Variants in KLHL1 observed in about 807,000 individuals in gnomAD.
KLHL1 encodes kelch-like protein 1.
A neutral mutation model predicts 77.7 loss-of-function variants in KLHL1; 47 were observed. The observed-to-expected ratio is 0.60, with a 90% confidence interval of 0.48 to 0.77. The LOEUF (loss-of-function observed/expected upper bound fraction) is 0.77. Ranked by LOEUF, KLHL1 falls within the 30% of genes least tolerant of loss-of-function variation. KLHL1 has a pLI of 0.00. For missense variants in KLHL1, 925 were observed against 910.8 expected, an observed-to-expected ratio of 1.02 and a Z score of -0.20; for synonymous variants, 360 against 325.2, an observed-to-expected ratio of 1.11 and a Z score of -1.15.
intron 1 of KLHL1, among the ~76,000 whole-genome samples, chr13:70,077,081 T>C (rs1887284349): frequency 6.6e-6 from 1 of 151,886 alleles, no homozygotes; most frequent in Non-Finnish European, 1.5e-5. Context: ...CTTAAAAAGC[T>C]TGACATAATT....
chr13:69,774,952 C>A (rs2137989819), intron 7 of KLHL1, among the ~76,000 whole-genome samples: 1 of 152,172 alleles, frequency 6.6e-6, no homozygotes. Context: ...TTTAATATTT[C>A]TTGAACAGAG....
chr13:69,755,574 A>T (rs530322268), intron 7 of KLHL1, among the ~76,000 whole-genome samples: 1 of 152,240 alleles, frequency 6.6e-6, no homozygotes, highest in African/African-American at 2.4e-5. Context: ...AATATGATAG[A>T]TCTGAATTAG....
At chr13:69,818,178 G>A (rs1309085528) in intron 6 of KLHL1, among the ~76,000 whole-genome samples, 2 of 151,008 alleles carry the variant, frequency 1.3e-5, no homozygotes, top group East Asian at 1.9e-4. Context: ...AACACTCACA[G>A]GGGATGACAT....
chr13:70,028,749 G>C (rs1198697237), intron 1 of KLHL1, among the ~76,000 whole-genome samples: 2 of 152,124 alleles, frequency 1.3e-5, no homozygotes, highest in East Asian at 3.9e-4. Context: ...GGCCGAAGCA[G>C]GTGAATTGCT....
At chr13:69,739,826 G>T (rs1196115320) in intron 8 of KLHL1, among the ~76,000 whole-genome samples, 1 of 152,074 alleles carries the variant, frequency 6.6e-6, no homozygotes, top group East Asian at 1.9e-4. Flanking sequence ...GGAAGACAGG[G>T]GCTGTATTTT....
intron 5 of KLHL1, among the ~76,000 whole-genome samples, chr13:69,855,319 G>C (rs905542260): frequency 7.3e-6 from 1 of 137,420 alleles, no homozygotes. Flanking sequence ...TAGATAGATA[G>C]ATAGATAGAT....
intron 1 of KLHL1, among the ~76,000 whole-genome samples, chr13:70,104,030 A>G (rs1887988671): frequency 6.6e-6 from 1 of 152,188 alleles, no homozygotes; most frequent in South Asian, 2.1e-4. Context: ...AAAACATGAC[A>G]TGTCTTCTCC....
intron 4 of KLHL1, among the ~76,000 whole-genome samples, chr13:69,937,715 T>G (rs9592667): frequency 6.6e-6 from 1 of 152,092 alleles, no homozygotes; most frequent in African/African-American, 2.4e-5. Context: ...CTGAGTCACC[T>G]TCCCAAAAGA....
chr13:70,084,464 C>CTTTTTTTT (rs1266369112), intron 1 of KLHL1, among the ~76,000 whole-genome samples: 1 of 129,040 alleles, frequency 7.7e-6, no homozygotes, highest in African/African-American at 2.9e-5. Context: ...TCTTCTTCTT[C>CTTTTTTTT]TTTTTTTTTT....
At chr13:69,984,881 G>A (rs537698722) in intron 1 of KLHL1, among the ~76,000 whole-genome samples, 5 of 152,052 alleles carry the variant, frequency 3.3e-5, no homozygotes, top group East Asian at 1.9e-4. Flanking sequence ...GGCCAAGGTG[G>A]GCGGATCGCA....
At chr13:69,799,132 T>C (rs1877262841) in intron 6 of KLHL1, among the ~76,000 whole-genome samples, 1 of 151,788 alleles carries the variant, frequency 6.6e-6, no homozygotes, top group Non-Finnish European at 1.5e-5. Context: ...CTGTCTCTTG[T>C]GACTATATTT....
chr13:69,719,269 T>C, intron 9 of KLHL1, 100 bp downstream of exon 9: 1 of 936,334 alleles, frequency 1.1e-6, no homozygotes, highest in South Asian at 1.5e-5. Flanking sequence ...GGTGTTGAAT[T>C]TACCCTTCCT....
intron 7 of KLHL1, among the ~76,000 whole-genome samples, chr13:69,752,782 A>G (rs1047814484): frequency 6.6e-6 from 1 of 152,100 alleles, no homozygotes; most frequent in Admixed American, 6.6e-5. Flanking sequence ...CGGAACATAG[A>G]AAAAAACTCA....
intron 5 of KLHL1, among the ~76,000 whole-genome samples, chr13:69,861,784 C>CT (rs1880172625): frequency 1.8e-5 from 1 of 55,806 alleles, no homozygotes; most frequent in African/African-American, 7.7e-5. Context: ...CCCGTCTCTA[C>CT]TAAAAAAAAA....
rs146676101 is a variant in KLHL1, at chr13:69,988,770, G to A, written c.498-12968C>T. ...CTGCAAGTATGTCTTCCTTTGACAA[G>A]TGTCTTCATGTCTTTGCCCACTTTT... On this transcript the variant is annotated intron_variant, in intron 1 of 10. Transcript: ENST00000377844. Among the ~76,000 whole-genome samples, 1,104 of 152,106 alleles carry A rather than the reference G, an allele frequency of 7.3e-3. 15 individuals are homozygous for A. Among genetic ancestry groups the A allele is most frequent in the African/African-American group, 0.025 (1,045 of 41,508 alleles).
intron 1 of KLHL1, among the ~76,000 whole-genome samples, chr13:70,006,788 G>C (rs1006154883): frequency 6.6e-6 from 1 of 151,884 alleles, no homozygotes; most frequent in African/African-American, 2.4e-5. Context: ...ATATATGCTA[G>C]AAGAATAATA....
intron 1 of KLHL1, among the ~76,000 whole-genome samples, chr13:70,004,721 G>A (rs1885367713): frequency 1.3e-5 from 2 of 151,670 alleles, no homozygotes; most frequent in African/African-American, 2.4e-5. Flanking sequence ...TGTTGTGATT[G>A]TTTTTACATT....
chr13:69,734,016 T>C (rs1160693343), intron 8 of KLHL1, among the ~76,000 whole-genome samples: 1 of 151,494 alleles, frequency 6.6e-6, no homozygotes, highest in African/African-American at 2.4e-5. Context: ...ATTGACAGAG[T>C]TTGGATGTGT....
At chr13:70,090,134 A>G (rs1887638360) in intron 1 of KLHL1, among the ~76,000 whole-genome samples, 2 of 152,142 alleles carry the variant, frequency 1.3e-5, no homozygotes, top group Admixed American at 1.3e-4. Context: ...TCTTGAAATA[A>G]GTCTATTTAT....
Sources: allele counts gnomAD v4.1 joint callset (sites outside exome capture counted in the v4.1 genomes callset), GRCh38; gene constraint gnomAD v4.1.1; transcripts MANE v1.5; gene names NCBI Gene and HGNC (gene_info 2026-07-23, HGNC 2026-07-21).